Variants in TP53I11 observed in about 807,000 individuals in gnomAD.
TP53I11 encodes tumor protein p53-inducible protein 11.
In TP53I11, 9 loss-of-function variants were observed where a neutral mutation model predicts 23.3. The observed-to-expected ratio is 0.39, with a 90% confidence interval of 0.23 to 0.67. The LOEUF (loss-of-function observed/expected upper bound fraction) is 0.67, where lower values mean the gene tolerates loss of function less well. Among genes scored for constraint, TP53I11 ranks in the 30% least tolerant of loss-of-function variants. The pLI, the probability that TP53I11 is intolerant of heterozygous loss-of-function variation, is 0.48. For synonymous variants in TP53I11, 100 were observed against 106.1 expected, an observed-to-expected ratio of 0.94 and a Z score of 0.35; for missense variants, 170 against 255.2, an observed-to-expected ratio of 0.67 and a Z score of 2.27.
chr11:44,935,913 C>A, intron 5 of TP53I11: 1 of 572,548 alleles, frequency 1.7e-6, no homozygotes, highest in South Asian at 2.1e-5. Context: ...GGGCGAGTCA[C>A]TTCCCCGCAT....
chr11:44,934,402 G>A lies in TP53I11; in HGVS notation c.*482C>T, dbSNP rs1335241254. 5.5e-6 allele frequency: 1 copy of A among 180,514 alleles called. No individual in the cohort carries two copies. Among genetic ancestry groups the A allele is most frequent in the Non-Finnish European group, 1.2e-5 (1 of 83,458 alleles). The allele number at this position is 180,514 out of a possible 1,614,324, so 11.2% of individuals were successfully genotyped here. ...CCAGATTGAGGAGGAGGGGTACAGG[G>A]TTTTCCAGGATTAGAAGGAAGCCAA... On this transcript the variant is annotated 3_prime_UTR_variant, in exon 7 of 7. Coordinates refer to ENST00000525680, the MANE Select transcript of TP53I11 (RefSeq NM_006034.5).
chr11:44,948,077 A>G (rs1590803734), intron 1 of TP53I11, among the ~76,000 whole-genome samples: 1 of 152,284 alleles, frequency 6.6e-6, no homozygotes, highest in East Asian at 1.9e-4. Context: ...ACTTTGGGGC[A>G]GGAGGACGAT....
At chr11:44,935,996 G>T in intron 5 of TP53I11, 1 of 412,754 alleles carries the variant, frequency 2.4e-6, no homozygotes, top group Non-Finnish European at 4.4e-6. Context: ...CTGTCAGGAG[G>T]ATGCTGTGTT....
At position 44,936,916 on chromosome 11, in the gene TP53I11, G is replaced by A. The variant is rs1337682873; in HGVS notation, c.238-17C>T. The A allele has an allele frequency of 6.3e-7, 1 of 1,579,000 alleles. No individual in the cohort carries two copies. Among genetic ancestry groups the A allele is most frequent in the Middle Eastern group, 1.7e-4 (1 of 5,772 alleles). On this transcript the variant is annotated splice_polypyrimidine_tract_variant and intron_variant, in intron 4 of 6. Transcript: ENST00000525680. This position sits in a 1 kb window ranked among gnomAD's most constrained non-coding sequence, Gnocchi z 4.4. The stretch of plus-strand genomic sequence containing the variant: ...GGCAAGCGCCTGCGGGCAGCGAGAG[G>A]GGCTCAGAGGTCCCGCTTGGGAGAG...
At chr11:44,935,105 C>A in intron 6 of TP53I11, 88 bp from the exon 7 acceptor site, 1 of 1,576,668 alleles carries the variant, frequency 6.3e-7, no homozygotes, top group Non-Finnish European at 8.6e-7. Flanking sequence ...CTGGTGTGGC[C>A]GTCTCCCTGA....
At position 44,935,624 on chromosome 11, in the gene TP53I11, C is replaced by T; in HGVS notation, c.373G>A (p.Glu125Lys). 1 of 1,613,358 alleles carries T rather than the reference C, an allele frequency of 6.2e-7. No homozygotes were observed. The highest frequency in any genetic ancestry group is 8.5e-7 in the Non-Finnish European group (1 of 1,179,866). Reference protein sequence around the residue: ...LIMWNALYTAEKVIIRWTLLT... With the variant: ...LIMWNALYTAKKVIIRWTLLT... ...AGGGTCCATCGAATGATGACCTTCT[C>T]AGCCGTGTAGAGAGCGTTCCACATG... The change falls in exon 6 of 7, where the codon GAG becomes AAG. Residue 125 changes from glutamate (E) to lysine (K), a missense_variant. Transcript: ENST00000525680.
At chr11:44,950,544 G>A (rs1862851700) in intron 1 of TP53I11, 133 bp downstream of exon 1, 1 of 151,942 alleles carries the variant, frequency 6.6e-6, no homozygotes, top group African/African-American at 2.4e-5. Context: ...CCCGGTTAGC[G>A]CGCGCGGGGT....
At chr11:44,951,087 C>A (rs1862919242), upstream of TP53I11, 1 of 151,890 alleles carries the variant, frequency 6.6e-6, no homozygotes, top group East Asian at 2.0e-4. Context: ...CGAGAGAAGG[C>A]GCCGGGGGAG....
At chr11:44,949,020 AGTT>A (rs941755071) in intron 1 of TP53I11, among the ~76,000 whole-genome samples, 9 of 152,172 alleles carry the variant, frequency 5.9e-5, no homozygotes, top group African/African-American at 1.9e-4. Flanking sequence ...GCACGGAGGA[AGTT>A]GACGACATGT....
chr11:44,938,004 CA>C (rs1419054085), intron 2 of TP53I11, among the ~76,000 whole-genome samples: 5 of 152,316 alleles, frequency 3.3e-5, no homozygotes, highest in South Asian at 4.1e-4. Context: ...ATTTAAAAAG[CA>C]ACTGCTGGAA....
chr11:44,935,019 T>TG lies in TP53I11; in HGVS notation c.437-3dup, dbSNP rs1296537443. On this transcript the variant is annotated splice_region_variant and splice_polypyrimidine_tract_variant and intron_variant, in intron 6 of 6. Coordinates refer to ENST00000525680, the MANE Select transcript of TP53I11 (RefSeq NM_006034.5). The stretch of plus-strand genomic sequence containing the variant: ...TCTCAGCTAGCGTGGCAGTGACCAC[T>TG]GTGGGAGAGAGTCCAGCAAGGCCAC... 2.5e-6 allele frequency: 4 copies of TG among 1,613,484 alleles called. No homozygotes were observed. In the African/African-American group the frequency reaches 5.3e-5, roughly 22 times the overall value.
At position 44,938,520 on chromosome 11, in the gene TP53I11, T is replaced by C. The variant is rs1053691296; in HGVS notation, c.-31-154A>G. ...GTAGGGGGAGTACAGCTGGCTTCCT[T>C]GTCAAATGGGTTGAGGAAATGCTCT... On this transcript the variant is annotated intron_variant, in intron 1 of 6. Transcript: ENST00000525680. The C allele has an allele frequency of 6.9e-6, 6 of 872,328 alleles. No homozygotes were observed. The African/African-American group carries it at 1.1e-4, about 15-fold the overall frequency. The allele number at this position is 872,328 out of a possible 1,614,324, so 54.0% of individuals were successfully genotyped here. A position where few individuals can be genotyped will look rare whatever the true frequency, so the allele number is the denominator to read the frequency against.
At chr11:44,948,456 A>G (rs544608388) in intron 1 of TP53I11, among the ~76,000 whole-genome samples, 2 of 150,596 alleles carry the variant, frequency 1.3e-5, no homozygotes, top group South Asian at 4.2e-4. Context: ...CCTCAGGGAG[A>G]CCTCCCTGAC....
At chr11:44,941,244 G>A (rs950617053) in intron 1 of TP53I11, among the ~76,000 whole-genome samples, 3 of 152,160 alleles carry the variant, frequency 2.0e-5, no homozygotes, top group Admixed American at 1.3e-4. Context: ...GGGAGGGGGC[G>A]CTGATCTGCT....
chr11:44,942,715 G>A (rs565729905), intron 1 of TP53I11, among the ~76,000 whole-genome samples: 10 of 152,300 alleles, frequency 6.6e-5, no homozygotes, highest in Admixed American at 2.0e-4. Flanking sequence ...CACTCACAAA[G>A]GGCCCATGTG....
intron 1 of TP53I11, 128 bp from the exon 2 acceptor site, chr11:44,938,494 A>G: frequency 9.2e-7 from 1 of 1,085,730 alleles, no homozygotes; most frequent in South Asian, 1.7e-5. Context: ...AGCCCAGGGC[A>G]GTAGGGGGAG....
At chr11:44,945,069 G>A (rs985719499) in intron 1 of TP53I11, among the ~76,000 whole-genome samples, 3 of 152,206 alleles carry the variant, frequency 2.0e-5, no homozygotes, top group Admixed American at 6.5e-5. Context: ...GGAAGAGGAA[G>A]GGGCCCAGAA....
chr11:44,949,374 C>T (rs1390747250), intron 1 of TP53I11, among the ~76,000 whole-genome samples: 1 of 152,130 alleles, frequency 6.6e-6, no homozygotes, highest in African/African-American at 2.4e-5. Context: ...CTTCTCCCCG[C>T]AGGCCCGCCC....
chr11:44,939,842 G>T (rs1369046487), intron 1 of TP53I11, among the ~76,000 whole-genome samples: 1 of 152,222 alleles, frequency 6.6e-6, no homozygotes, highest in African/African-American at 2.4e-5. Flanking sequence ...CCACAAAAAG[G>T]AGTGGATACG....
Sources: allele counts gnomAD v4.1 joint callset (sites outside exome capture counted in the v4.1 genomes callset), GRCh38; gene constraint gnomAD v4.1.1; non-coding constraint Gnocchi (gnomAD v3.1); transcripts MANE v1.5; gene names NCBI Gene and HGNC (gene_info 2026-07-23, HGNC 2026-07-21).